CHD8: variants seen among roughly 807,000 people sequenced by gnomAD.
CHD8 encodes the protein chromodomain helicase DNA binding protein 8.
CHD8 carries 31 observed loss-of-function variants against 279.2 expected under a neutral mutation model. The ratio of observed to expected loss-of-function variants is 0.11; its 90% CI spans 0.08 to 0.15. The LOEUF (loss-of-function observed/expected upper bound fraction) is 0.15. Among genes scored for constraint, CHD8 ranks in the 10% least tolerant of loss-of-function variants. The pLI, the probability that CHD8 is intolerant of heterozygous loss-of-function variation, is 1.00. For synonymous variants in CHD8, 1,081 were observed against 1,139.6 expected (o/e 0.95, Z 1.04); for missense variants, 2,146 against 3,230.5 (o/e 0.66, Z 8.14).
intron 26 of CHD8, chr14:21,398,485 GCCAC>G (rs1288189447): frequency 6.6e-6 from 1 of 152,208 alleles, no homozygotes; most frequent in East Asian, 1.9e-4. Flanking sequence ...GCACACCTTG[GCCAC>G]CCAAAGTGCT....
At position 21,409,886 on chromosome 14, in the gene CHD8, G is replaced by C; in HGVS notation, c.2329C>G (p.Arg777Gly). 1.2e-6 allele frequency: 2 copies of C among 1,613,604 alleles called. No individual in the cohort carries two copies. The highest frequency in any genetic ancestry group is 1.7e-6 in the Non-Finnish European group (2 of 1,179,710). ...VDEGKIREFK[R>G]IQSRHPELKR... ...AGTTCTGGGTGCCTTGACTGAATCC[G>C]TTTAAATTCTCGAATCTTGCCCTCA... The change falls in exon 11 of 38, where the codon CGG (arginine) becomes GGG (glycine). Residue 777 changes from arginine (R) to glycine (G), a missense_variant. Around this residue, in one of 26 missense-constraint regions of CHD8, gnomAD observed 211 missense variants for 464.7 expected, o/e 0.45. Coordinates refer to ENST00000646647, the MANE Select transcript of CHD8 (RefSeq NM_001170629.2).
rs562902061 is a variant in CHD8 at position 21,416,614 on chromosome 14, A to C, written c.1717-707T>G. The C allele has an allele frequency of 1.2e-3, 184 of 151,546 alleles. 2 individuals are homozygous for C. The highest frequency in any genetic ancestry group is 3.6e-3 in the African/African-American group (147 of 41,300). 9.4% of individuals were successfully genotyped at this position (151,546 alleles called of 1,614,324 possible). ...AACCCCGTCTCTGCTAAAAATACAA[A>C]AATTAGCCAGGCCTTATTTTTCAAT... is the stretch of plus-strand genomic sequence containing the variant. On this transcript the variant is annotated intron_variant, in intron 5 of 37. Transcript: ENST00000646647.
In CHD8 at chr14:21,400,008, T is replaced by C. The variant is rs1168396268; in HGVS notation, c.4790A>G (p.Glu1597Gly). The stretch of plus-strand genomic sequence containing the variant: ...GGCAATCGCACCCCCTAACACCTTT[T>C]CTGCTTGGTCTCCAATAACCTCCTG... ...LRQEVIGDQAEKVLGGAIASE... is the reference protein window; with the variant it reads ...LRQEVIGDQAGKVLGGAIASE... The change falls in exon 25 of 38, where the codon GAA becomes GGA. Residue 1597 changes from glutamate to glycine, a missense_variant. Physicochemically the swap from Glu to Gly is moderately conservative, Grantham distance 98. Transcript: ENST00000646647. The surrounding 1 kb of genome is among the most constrained non-coding windows in gnomAD (Gnocchi z 4.2). 1.2e-6 allele frequency: 2 copies of C among 1,613,488 alleles called. No homozygotes were observed. The highest frequency in any genetic ancestry group is 1.7e-5 in the Admixed American group (1 of 59,992).
At chr14:21,450,327 A>G (rs1358953755) in intron 1 of CHD8, among the ~76,000 whole-genome samples, 2 of 152,218 alleles carry the variant, frequency 1.3e-5, no homozygotes, top group African/African-American at 2.4e-5. Flanking sequence ...AGAAATTCCC[A>G]TATCACTAAT....
chr14:21,387,753 C>G (rs868506415), intron 37 of CHD8, among the ~76,000 whole-genome samples: 4 of 141,926 alleles, frequency 2.8e-5, no homozygotes, highest in South Asian at 2.3e-4. Context: ...TTGCAGTGAG[C>G]TGAGATCATG....
rs1245638839 is a variant in CHD8, at chr14:21,397,888, T to A, written c.4986A>T (p.Arg1662=). Residue 1662 remains arginine, a synonymous_variant, in exon 27 of 38, where the codon CGA becomes CGT. Transcript: ENST00000646647. ...PALCFLEKAG[R]PDDKAIAAEH... is the part of the protein sequence containing the mutation. Reference sequence around the variant, plus strand: ...CTGCTGCAATTGCTTTGTCATCTGGTCGGCCAGCCTTTTCTAGGAAACATA... The same window carrying A: ...CTGCTGCAATTGCTTTGTCATCTGGACGGCCAGCCTTTTCTAGGAAACATA... The A allele has an allele frequency of 6.2e-7, 1 of 1,612,818 alleles. No individual in the cohort carries two copies. Among genetic ancestry groups the A allele is most frequent in the South Asian group, 1.1e-5 (1 of 90,826 alleles).
At chr14:21,386,668 T>G (rs1449522251) in intron 37 of CHD8, among the ~76,000 whole-genome samples, 1 of 152,092 alleles carries the variant, frequency 6.6e-6, no homozygotes, top group Admixed American at 6.5e-5. Context: ...AAACCCGGTC[T>G]CTACTAAAAA....
At chr14:21,441,715 C>G (rs181707598) in intron 1 of CHD8, among the ~76,000 whole-genome samples, 1 of 151,664 alleles carries the variant, frequency 6.6e-6, no homozygotes, top group African/African-American at 2.4e-5. Context: ...GGTGAAACCC[C>G]GTCTCTACTA....
At chr14:21,391,711 G>A (rs543292703) in intron 35 of CHD8, 69 bp from the exon 36 acceptor site, 4 of 1,514,058 alleles carry the variant, frequency 2.6e-6, no homozygotes, top group East Asian at 2.3e-5. Flanking sequence ...GGGGAGCAGG[G>A]CCAATGGTAG....
chr14:21,419,145 TTAATA>T (rs1260197958), intron 5 of CHD8, among the ~76,000 whole-genome samples: 1 of 152,258 alleles, frequency 6.6e-6, no homozygotes, highest in African/African-American at 2.4e-5. Flanking sequence ...TACTTTTTAC[TTAATA>T]TATTTCTGGA....
Position 21,408,604 on chromosome 14 carries a change from A to T in CHD8, c.2487-49T>A, listed in dbSNP as rs1236669765. On this transcript the variant is annotated intron_variant, in intron 12 of 37. Transcript: ENST00000646647. The surrounding 1 kb of genome is among the most constrained non-coding windows in gnomAD (Gnocchi z 4.3). The stretch of plus-strand genomic sequence containing the variant: ...AAAAATGTTAAAAGATACTATCTTT[A>T]AAAAAAATAGAGTATGTAGGAAGAA... 42 of 1,544,034 alleles carry T rather than the reference A, an allele frequency of 2.7e-5. No homozygotes were observed. Among genetic ancestry groups the T allele is most frequent in the African/African-American group, 3.3e-5 (2 of 59,790 alleles).
chr14:21,415,355 C>T, intron 7 of CHD8: 1 of 333,170 alleles, frequency 3.0e-6, no homozygotes, highest in Non-Finnish European at 5.2e-6. Flanking sequence ...TAGAGAAAAG[C>T]CAGGCGCAGT....
At chr14:21,440,926 T>C (rs750834866) in intron 1 of CHD8, among the ~76,000 whole-genome samples, 6 of 152,006 alleles carry the variant, frequency 3.9e-5, no homozygotes, top group Non-Finnish European at 8.8e-5. Context: ...ATAGTGAACA[T>C]TTGCTAGTTT....
In CHD8 at chr14:21,405,622, C is replaced by G. The variant is rs914212479; in HGVS notation, c.3051+99G>C. The G allele has an allele frequency of 4.7e-6, 7 of 1,486,832 alleles. No individual in the cohort carries two copies. Among genetic ancestry groups the G allele is most frequent in the Non-Finnish European group, 6.4e-6 (7 of 1,093,040 alleles). The allele number at this position is 1,486,832 out of a possible 1,614,324, so 92.1% of individuals were successfully genotyped here. A position where few individuals can be genotyped will look rare whatever the true frequency, so the allele number is the denominator to read the frequency against. ...TGTAGGCACAAGGTTATAAGGAGTT[C>G]AGAAAGGCCCTTGAGATACCCATGA... On this transcript the variant is annotated intron_variant, in intron 15 of 37. Transcript: ENST00000646647. This position sits in a 1 kb window ranked among gnomAD's most constrained non-coding sequence, Gnocchi z 4.2.
intron 26 of CHD8, 132 bp from the exon 27 acceptor site, chr14:21,398,084 T>G (rs1279276337): frequency 2.4e-6 from 2 of 828,282 alleles, no homozygotes; most frequent in African/African-American, 1.7e-5. Context: ...AATGTTATCT[T>G]GGACAACTAC....
chr14:21,419,032 T>C (rs1026363759), intron 5 of CHD8, among the ~76,000 whole-genome samples: 3 of 152,212 alleles, frequency 2.0e-5, no homozygotes, highest in African/African-American at 7.2e-5. Context: ...ACAAAATTTG[T>C]GCATATTTTA....
At chr14:21,441,724 TA>T (rs1566453891) in intron 1 of CHD8, among the ~76,000 whole-genome samples, 1 of 151,558 alleles carries the variant, frequency 6.6e-6, no homozygotes, top group East Asian at 1.9e-4. Flanking sequence ...CCGTCTCTAC[TA>T]AAAATACAAA....
At chr14:21,446,968 T>C (rs1337542978) in intron 1 of CHD8, among the ~76,000 whole-genome samples, 2 of 152,240 alleles carry the variant, frequency 1.3e-5, no homozygotes, top group African/African-American at 4.8e-5. Flanking sequence ...CAGTATTCCC[T>C]TGGCTTATCA....
chr14:21,453,561 T>G (rs1047115011), intron 1 of CHD8, among the ~76,000 whole-genome samples: 1 of 151,830 alleles, frequency 6.6e-6, no homozygotes. Context: ...GTCACAGTAA[T>G]GTAAGGACAG....
Sources: allele counts gnomAD v4.1 joint callset (sites outside exome capture counted in the v4.1 genomes callset), GRCh38; gene constraint gnomAD v4.1.1; regional missense constraint gnomAD v4.1.1; non-coding constraint Gnocchi (gnomAD v3.1); transcripts MANE v1.5; gene names NCBI Gene and HGNC (gene_info 2026-07-23, HGNC 2026-07-21).